The following DACH2 variants were observed in gnomAD, a reference collection of about 807,000 sequenced individuals.
DACH2 encodes dachshund homolog 2.
Under a neutral mutation model 35.8 loss-of-function variants are expected in DACH2, and 17 were observed. The ratio of observed to expected loss-of-function variants is 0.48; its 90% CI spans 0.33 to 0.71. The LOEUF is 0.71. Ranked by LOEUF, DACH2 falls within the 30% of genes least tolerant of loss-of-function variation. DACH2 has a pLI of 0.02. For synonymous variants in DACH2, 195 were observed against 177.3 expected, an observed-to-expected ratio of 1.10 and a Z score of -0.79; for missense variants, 469 against 472.7, an observed-to-expected ratio of 0.99 and a Z score of 0.07.
intron 5 of DACH2, among the ~76,000 whole-genome samples, chrX:86,698,153 G>A (rs182664761): frequency 1.6e-4 from 18 of 110,733 alleles, no homozygotes; most frequent in African/African-American, 5.9e-4. Flanking sequence ...AGGCAAACAG[G>A]AAGAGAGTAG....
chrX:86,323,127 G>A (rs1411043909), intron 1 of DACH2, among the ~76,000 whole-genome samples: 1 of 112,247 alleles, frequency 8.9e-6, no homozygotes, highest in Non-Finnish European at 1.9e-5. Context: ...TGAAATACCA[G>A]GCAGTAACTT....
chrX:86,264,448 GTTTA>G (rs1425604148), intron 1 of DACH2, among the ~76,000 whole-genome samples: 1 of 111,532 alleles, frequency 9.0e-6, no homozygotes. Flanking sequence ...TCAATTACCA[GTTTA>G]TTTACATGTT....
Position 86,305,965 on chromosome X carries a change from C to T in DACH2, c.489-70859C>T, listed in dbSNP as rs137941429. Among the ~76,000 whole-genome samples, 754 of 111,505 alleles carry T rather than the reference C, an allele frequency of 6.8e-3. 5 individuals are homozygous for T. The highest frequency in any genetic ancestry group is 0.023 in the African/African-American group (697 of 30,751). On this transcript the variant is annotated intron_variant, in intron 1 of 11. Coordinates refer to ENST00000373125, the MANE Select transcript of DACH2 (RefSeq NM_053281.3). ...CAACTAACAAATGCTGGCAATGATA[C>T]GGTTAAAAGAGAACTTTTATACACT...
intron 5 of DACH2, among the ~76,000 whole-genome samples, chrX:86,704,271 C>T (rs1160886192): frequency 1.8e-5 from 2 of 111,457 alleles, no homozygotes; most frequent in African/African-American, 6.5e-5. Context: ...AGATCCTTGT[C>T]TTTCACCATA....
rs755584527 is a variant in DACH2 at position 86,812,915 on chromosome X, C to T, written c.1300C>T (p.Pro434Ser). The change falls in exon 8 of 12, where the codon CCT becomes TCT. Residue 434 changes from proline to serine, a missense_variant. Physicochemically the swap from Pro to Ser is moderately conservative, Grantham distance 74. Around this residue, in one of 3 missense-constraint regions of DACH2, gnomAD observed 363 missense variants for 334.4 expected, o/e 1.09. Coordinates refer to ENST00000373125, the MANE Select transcript of DACH2 (RefSeq NM_053281.3). ...KSPLDKIQLT[P>S]GQALPAGFPG... is the part of the protein sequence containing the mutation. ...ACCCTTGGACAAGATACAGCTGACTCCTGGGCAGGCATTGCCCGCTGGATT... is the reference window on the plus strand; with the variant it reads ...ACCCTTGGACAAGATACAGCTGACTTCTGGGCAGGCATTGCCCGCTGGATT... 27 of 1,205,549 alleles carry T rather than the reference C, an allele frequency of 2.2e-5. No individual in the cohort carries two copies. In the East Asian group the frequency reaches 7.7e-4, roughly 34 times the overall value.
At chrX:86,170,561 C>G (rs1048709217) in intron 1 of DACH2, among the ~76,000 whole-genome samples, 6 of 111,908 alleles carry the variant, frequency 5.4e-5, no homozygotes, top group Admixed American at 3.8e-4. Context: ...AATCACAAGA[C>G]TTAGTCTTTC....
At chrX:86,775,432 T>C (rs1204961124) in intron 7 of DACH2, among the ~76,000 whole-genome samples, 2 of 111,206 alleles carry the variant, frequency 1.8e-5, no homozygotes, top group Non-Finnish European at 3.8e-5. Context: ...CAAGCCCTAT[T>C]GTAAACTGCG....
intron 3 of DACH2, among the ~76,000 whole-genome samples, chrX:86,572,735 A>G (rs1377878327): frequency 9.0e-6 from 1 of 111,488 alleles, no homozygotes; most frequent in African/African-American, 3.3e-5. Flanking sequence ...TACTGCTTCA[A>G]ACCTCTGTTA....
At chrX:86,254,350 G>A (rs747694042) in intron 1 of DACH2, among the ~76,000 whole-genome samples, 1 of 110,903 alleles carries the variant, frequency 9.0e-6, no homozygotes, top group African/African-American at 3.3e-5. Flanking sequence ...ATGGGTTACT[G>A]TTTATTAATA....
chrX:86,283,591 A>G (rs1239038794), intron 1 of DACH2, among the ~76,000 whole-genome samples: 2 of 110,572 alleles, frequency 1.8e-5, no homozygotes, highest in Non-Finnish European at 3.8e-5. Context: ...AGATGGATGA[A>G]GCTGGAAACT....
At chrX:86,580,196 G>C (rs936049742) in intron 3 of DACH2, among the ~76,000 whole-genome samples, 2 of 111,470 alleles carry the variant, frequency 1.8e-5, no homozygotes, top group African/African-American at 6.5e-5. Flanking sequence ...AAACCCCCAA[G>C]GGCATCAAAG....
chrX:86,295,274 G>A (rs1025707490), intron 1 of DACH2, among the ~76,000 whole-genome samples: 2 of 111,875 alleles, frequency 1.8e-5, no homozygotes, highest in African/African-American at 3.2e-5. Flanking sequence ...GCCCTGCTTC[G>A]GCTCGCGCAC....
chrX:86,449,283 G>T (rs1436356149), intron 2 of DACH2, among the ~76,000 whole-genome samples: 1 of 80,053 alleles, frequency 1.2e-5, no homozygotes, highest in Non-Finnish European at 2.4e-5. Flanking sequence ...AGGGTTTTTT[G>T]TGTCTCTATT....
intron 2 of DACH2, among the ~76,000 whole-genome samples, chrX:86,475,391 T>C (rs1324666177): frequency 9.0e-6 from 1 of 111,661 alleles, no homozygotes; most frequent in Non-Finnish European, 1.9e-5. Flanking sequence ...TAATTTTCAT[T>C]ATAGAAATCC....
chrX:86,656,948 TG>T (rs1262294423), intron 4 of DACH2, among the ~76,000 whole-genome samples: 2 of 99,856 alleles, frequency 2.0e-5, no homozygotes, highest in Non-Finnish European at 4.0e-5. Flanking sequence ...GCAACAACAT[TG>T]ATGGAACTGG....
At position 86,310,770 on chromosome X, in the gene DACH2, T is replaced by A. The variant is rs371373152; in HGVS notation, c.489-66054T>A. Among the ~76,000 whole-genome samples, 11 of 111,604 alleles carry A rather than the reference T, an allele frequency of 9.9e-5. No individual in the cohort carries two copies. In the East Asian group the frequency reaches 1.1e-3, roughly 11 times the overall value. Reference sequence around the variant, plus strand: ...TTTGTGTATGGACCTCTCTCAGTGGTCAAAAACTGTGAAGATATTTGTATC... The same window carrying A: ...TTTGTGTATGGACCTCTCTCAGTGGACAAAAACTGTGAAGATATTTGTATC... On this transcript the variant is annotated intron_variant, in intron 1 of 11. Transcript: ENST00000373125.
chrX:86,642,232 C>T (rs1370414265), intron 3 of DACH2, among the ~76,000 whole-genome samples: 1 of 111,242 alleles, frequency 9.0e-6, no homozygotes, highest in East Asian at 2.8e-4. Flanking sequence ...TCATGACACT[C>T]ATAGGCTCAA....
At chrX:86,535,111 A>G (rs1245550349) in intron 3 of DACH2, among the ~76,000 whole-genome samples, 3 of 111,777 alleles carry the variant, frequency 2.7e-5, no homozygotes, top group Admixed American at 1.9e-4. Context: ...TTTGAAAAGC[A>G]TTGTTTAATT....
intron 2 of DACH2, among the ~76,000 whole-genome samples, chrX:86,490,598 G>T (rs1449114771): frequency 1.8e-5 from 2 of 111,604 alleles, no homozygotes; most frequent in African/African-American, 6.5e-5. Context: ...TCCTAATCCA[G>T]AGACATGCTT....
Sources: gnomAD v4.1 joint callset for allele counts (sites outside exome capture counted in the v4.1 genomes callset) on GRCh38, gnomAD v4.1.1 for gene constraint, gnomAD v4.1.1 regional missense constraint, MANE v1.5 for transcripts, NCBI Gene and HGNC (gene_info 2026-07-23, HGNC 2026-07-21) for gene names.